Variants in SLC27A5 observed in about 807,000 individuals in gnomAD.
SLC27A5 encodes long-chain fatty acid transport protein 5.
A neutral mutation model predicts 63.1 loss-of-function variants in SLC27A5; 47 were observed. That is an observed-to-expected ratio of 0.74 (90% CI 0.59 to 0.95). The LOEUF (loss-of-function observed/expected upper bound fraction) is 0.95. Ranked by LOEUF, SLC27A5 falls within the 40% of genes least tolerant of loss-of-function variation. The pLI is 0.00. For missense variants in SLC27A5, 940 were observed against 921.0 expected, an observed-to-expected ratio of 1.02 and a Z score of -0.27; for synonymous variants, 391 against 403.8, an observed-to-expected ratio of 0.97 and a Z score of 0.38.
rs1193872347 is a variant in SLC27A5 at position 58,501,360 on chromosome 19, C to T, written c.1108G>A (p.Asp370Asn). Reference protein sequence around the residue: ...PKFSTSCFWDDCRQHGVTVIL... With the variant: ...PKFSTSCFWDNCRQHGVTVIL... ...ACTGTCACGCCATGCTGCCGACAGT[C>T]ATCCCAGAAGCAGGAAGTAGAGAAC... is the stretch of plus-strand genomic sequence containing the variant. Residue 370 changes from aspartate to asparagine, a missense_variant, in exon 4 of 10, where the codon GAC becomes AAC. Coordinates refer to ENST00000263093, the MANE Select transcript of SLC27A5 (RefSeq NM_012254.3). 6.2e-7 allele frequency: 1 copy of T among 1,613,650 alleles called. No individual in the cohort carries two copies. Among genetic ancestry groups the T allele is most frequent in the Admixed American group, 1.7e-5 (1 of 59,968 alleles).
chr19:58,499,628 G>C lies in SLC27A5; in HGVS notation c.1531C>G (p.Pro511Ala), dbSNP rs1307177598. The change falls in exon 7 of 10, where the codon CCC (proline) becomes GCC (alanine). Residue 511 changes from proline to alanine, a missense_variant. Transcript: ENST00000263093. ...AGCTTCCGTTCCGACAGCTCTCGGGGGCCGCGGTAGCCCACGAAGGGTTGC... is the reference window on the plus strand; with the variant it reads ...AGCTTCCGTTCCGACAGCTCTCGGGCGCCGCGGTAGCCCACGAAGGGTTGC... ...SQQPFVGYRG[P>A]RELSERKLVR... 5.0e-6 allele frequency: 8 copies of C among 1,612,708 alleles called. No individual in the cohort carries two copies. The highest frequency in any genetic ancestry group is 5.9e-6 in the Non-Finnish European group (7 of 1,180,026).
intron 1 of SLC27A5, 151 bp from the exon 2 acceptor site, chr19:58,511,081 G>C: frequency 1.1e-6 from 1 of 917,026 alleles, no homozygotes; most frequent in Non-Finnish European, 1.6e-6. Flanking sequence ...TAGTATTTTT[G>C]GTCAAATTGT....
chr19:58,502,524 TGG>T, intron 3 of SLC27A5, among the ~76,000 whole-genome samples: 1 of 75,336 alleles, frequency 1.3e-5, no homozygotes, highest in Admixed American at 1.2e-4. Context: ...AGAAGATGGA[TGG>T]GTGAACAGTT....
chr19:58,499,105 A>G lies in SLC27A5; in HGVS notation c.1765+18T>C, dbSNP rs1175659037. ...ACCCACAAAGCTGTTGGAAGTTTAAAATGAGAACCCTCCGCACCTGGCACG... is the reference window on the plus strand; with the variant it reads ...ACCCACAAAGCTGTTGGAAGTTTAAGATGAGAACCCTCCGCACCTGGCACG... On this transcript the variant is annotated intron_variant, in intron 8 of 9. Transcript: ENST00000263093. 3 of 1,613,706 alleles carry G rather than the reference A, an allele frequency of 1.9e-6. No homozygotes were observed. Among genetic ancestry groups the G allele is most frequent in the South Asian group, 2.2e-5 (2 of 91,076 alleles).
intron 4 of SLC27A5, 83 bp from the exon 5 acceptor site, chr19:58,500,789 T>G: frequency 6.4e-7 from 1 of 1,554,052 alleles, no homozygotes; most frequent in Non-Finnish European, 8.7e-7. Context: ...GGTGTTATCC[T>G]GGGTCCTTAC....
At chr19:58,500,804 G>A in intron 4 of SLC27A5, 98 bp from the exon 5 acceptor site, 1 of 1,517,152 alleles carries the variant, frequency 6.6e-7, no homozygotes, top group Middle Eastern at 2.2e-4. Context: ...CCTTACCTTG[G>A]GAGTTACCTG....
In SLC27A5 at chr19:58,511,351, G is replaced by T. The variant is rs1295475559; in HGVS notation, c.605C>A (p.Ala202Asp). The stretch of plus-strand genomic sequence containing the variant: ...CCCCCGGCCATGCGGGTTGATCCAG[G>T]CTGTTGGGCAGCCCAGCTTGGCCAG... ...LGLAKLGCPT[A>D]WINPHGRGMP... is the part of the protein sequence containing the mutation. The change falls in exon 1 of 10, where the codon GCC becomes GAC. Residue 202 changes from alanine (A) to aspartate (D), a missense_variant. Ala to Asp is a moderately radical substitution (Grantham distance 126). Coordinates refer to ENST00000263093, the MANE Select transcript of SLC27A5 (RefSeq NM_012254.3). 1 of 1,604,964 alleles carries T rather than the reference G, an allele frequency of 6.2e-7. No homozygotes were observed. Among genetic ancestry groups the T allele is most frequent in the East Asian group, 2.2e-5 (1 of 44,594 alleles).
chr19:58,509,182 TCAAGA>T (rs1402463277), intron 3 of SLC27A5: 1 of 149,756 alleles, frequency 6.7e-6, no homozygotes, highest in Non-Finnish European at 1.5e-5. Flanking sequence ...GGTCAGGAGT[TCAAGA>T]CCAGCCTGGC....
chr19:58,501,542 T>C, intron 3 of SLC27A5, 132 bp from the exon 4 acceptor site: 1 of 1,017,572 alleles, frequency 9.8e-7, no homozygotes, highest in Non-Finnish European at 1.4e-6. Context: ...TTTGTGTCCT[T>C]GGCCCAGCCA....
intron 3 of SLC27A5, among the ~76,000 whole-genome samples, chr19:58,504,734 G>C (rs1184439782): frequency 6.6e-6 from 1 of 151,640 alleles, no homozygotes; most frequent in East Asian, 2.0e-4. Flanking sequence ...CCCTGGGCGC[G>C]GTGGCTCATG....
intron 3 of SLC27A5, among the ~76,000 whole-genome samples, chr19:58,503,061 T>A (rs181828980): frequency 6.6e-6 from 1 of 151,912 alleles, no homozygotes; most frequent in African/African-American, 2.4e-5. Context: ...AAAAATTAGC[T>A]GGGCGTGGTA....
intron 2 of SLC27A5, 30 bp from the exon 3 acceptor site, chr19:58,510,035 T>C: frequency 2.5e-6 from 4 of 1,605,140 alleles, no homozygotes; most frequent in Non-Finnish European, 3.4e-6. Flanking sequence ...AAGGGCAGGG[T>C]GGTGACATGA....
intron 3 of SLC27A5, among the ~76,000 whole-genome samples, chr19:58,504,572 CT>C (rs1195142836): frequency 0.018 from 42 of 2,314 alleles, no homozygotes; most frequent in Middle Eastern, 0.12. Flanking sequence ...TGATTGAACC[CT>C]GGGGGGGGGG....
Position 58,501,386 on chromosome 19 carries a change from T to C in SLC27A5, c.1082A>G (p.Lys361Arg), listed in dbSNP as rs1344731881. 1.2e-6 allele frequency: 2 copies of C among 1,613,454 alleles called. No individual in the cohort carries two copies. The highest frequency in any genetic ancestry group is 1.7e-5 in the Admixed American group (1 of 59,950). ...ATCCCAGAAGCAGGAAGTAGAGAACTTGGGGGCCAGAACACAGGTGGCTCC... is the reference window on the plus strand; with the variant it reads ...ATCCCAGAAGCAGGAAGTAGAGAACCTGGGGGCCAGAACACAGGTGGCTCC... ...DLGATCVLAP[K>R]FSTSCFWDDC... The change falls in exon 4 of 10, where the codon AAG (lysine) becomes AGG (arginine). Residue 361 changes from lysine to arginine, a missense_variant. Coordinates refer to ENST00000263093, the MANE Select transcript of SLC27A5 (RefSeq NM_012254.3).
chr19:58,505,863 A>C (rs932501737), intron 3 of SLC27A5, among the ~76,000 whole-genome samples: 24 of 150,720 alleles, frequency 1.6e-4, no homozygotes, highest in Middle Eastern at 6.8e-3. Flanking sequence ...AAAAAAAAAA[A>C]AACATTTGGC....
At chr19:58,499,868 A>G (rs993126134) in intron 6 of SLC27A5, among the ~76,000 whole-genome samples, 178 bp from the exon 7 acceptor site, 2 of 152,226 alleles carry the variant, frequency 1.3e-5, no homozygotes, top group Non-Finnish European at 2.9e-5. Context: ...GACTGCGACA[A>G]GCGACACAGA....
rs143789846 is a variant in SLC27A5, at chr19:58,510,924, C to T, written c.695G>A (p.Arg232Gln). 2.8e-4 allele frequency: 453 copies of T among 1,600,192 alleles called. 1 individual carries two copies. Among genetic ancestry groups the T allele is most frequent in the Non-Finnish European group, 3.6e-4 (419 of 1,172,160 alleles). The change falls in exon 2 of 10, where the codon CGG (arginine) becomes CAG (glutamine). Residue 232 changes from arginine to glutamine, a missense_variant. By Grantham distance (43) the Arg-to-Gln change is conservative. Coordinates refer to ENST00000263093, the MANE Select transcript of SLC27A5 (RefSeq NM_012254.3). ...ARVLVVDPDLRESLEEILPKL... is the reference protein window; with the variant it reads ...ARVLVVDPDLQESLEEILPKL... ...GGGAAGGATCTCCTCCAGGCTCTCC[C>T]GGAGGTCTGCAGAGATGGGTCAGAG...
At position 58,511,627 on chromosome 19, in the gene SLC27A5, C is replaced by A; in HGVS notation, c.329G>T (p.Arg110Leu). ...LGLKIRGCLS[R>L]QPPDTFVDAF... ...ATCTACAAAGGTGTCAGGCGGCTGCCGGCTCAAGCATCCCCTGATCTTCAG... is the reference window on the plus strand; with the variant it reads ...ATCTACAAAGGTGTCAGGCGGCTGCAGGCTCAAGCATCCCCTGATCTTCAG... Residue 110 changes from arginine to leucine, a missense_variant, in exon 1 of 10, where the codon CGG becomes CTG. Physicochemically the swap from Arg to Leu is moderately radical, Grantham distance 102. Coordinates refer to ENST00000263093, the MANE Select transcript of SLC27A5 (RefSeq NM_012254.3). 1 of 1,596,268 alleles carries A rather than the reference C, an allele frequency of 6.3e-7. No individual in the cohort carries two copies. The highest frequency in any genetic ancestry group is 1.1e-5 in the South Asian group (1 of 88,898).
At chr19:58,510,425 T>C in intron 2 of SLC27A5, 2 of 357,476 alleles carry the variant, frequency 5.6e-6, no homozygotes, top group Non-Finnish European at 5.1e-6. Flanking sequence ...AATACAAAAA[T>C]TAGCTGGGCA....
Sources: allele counts gnomAD v4.1 joint callset (sites outside exome capture counted in the v4.1 genomes callset), GRCh38; gene constraint gnomAD v4.1.1; transcripts MANE v1.5; gene names NCBI Gene and HGNC (gene_info 2026-07-23, HGNC 2026-07-21).